Variants in APBA2 observed in about 807,000 individuals in gnomAD.
APBA2 encodes the protein amyloid beta precursor protein binding family A member 2.
A neutral mutation model predicts 75.0 loss-of-function variants in APBA2; 30 were observed. That is an observed-to-expected ratio of 0.40 (90% CI 0.30 to 0.54). The LOEUF (loss-of-function observed/expected upper bound fraction) is 0.54. Among genes scored for constraint, APBA2 ranks in the 20% least tolerant of loss-of-function variants. APBA2 has a pLI of 0.49. For missense variants in APBA2, 801 were observed against 1,016.1 expected (o/e 0.79, Z 2.88); for synonymous variants, 444 against 409.6 (o/e 1.08, Z -1.01).
intron 4 of APBA2, among the ~76,000 whole-genome samples, chr15:29,066,322 ACAAG>A (rs1184579956): frequency 2.6e-5 from 4 of 152,168 alleles, no homozygotes; most frequent in African/African-American, 9.7e-5. Context: ...CTTCTGAGCC[ACAAG>A]CATAGCGAGA....
intron 3 of APBA2, among the ~76,000 whole-genome samples, chr15:29,018,110 G>A (rs2039769515): frequency 6.6e-6 from 1 of 152,186 alleles, no homozygotes; most frequent in Non-Finnish European, 1.5e-5. Flanking sequence ...CCGGGGGACA[G>A]TCTCAGGGCC....
At chr15:28,905,771 T>C (rs1378024716) in intron 1 of APBA2, among the ~76,000 whole-genome samples, 2 of 152,154 alleles carry the variant, frequency 1.3e-5, no homozygotes. Flanking sequence ...TTTCTGGCAG[T>C]GGAATTTGGG....
chr15:29,045,765 A>G (rs930440427), intron 3 of APBA2, among the ~76,000 whole-genome samples: 1 of 152,218 alleles, frequency 6.6e-6, no homozygotes, highest in Admixed American at 6.5e-5. Flanking sequence ...GTGAGTGGGC[A>G]TCCATTCCTC....
chr15:28,942,273 C>T (rs778436582), intron 2 of APBA2, among the ~76,000 whole-genome samples: 2 of 152,186 alleles, frequency 1.3e-5, no homozygotes, highest in Non-Finnish European at 2.9e-5. Flanking sequence ...GCAGCACTCG[C>T]AGCTCACTGC....
chr15:29,082,011 A>C (rs114917571), intron 6 of APBA2, among the ~76,000 whole-genome samples: 1,718 of 152,330 alleles, frequency 0.011, 42 homozygotes, highest in African/African-American at 0.039. Context: ...AGAGTTGGTT[A>C]CGTATGAGGT....
intron 3 of APBA2, among the ~76,000 whole-genome samples, chr15:29,031,174 C>A (rs553199965): frequency 1.3e-5 from 2 of 152,208 alleles, no homozygotes; most frequent in South Asian, 2.1e-4. Context: ...AGAGACTAAG[C>A]AACTCATGGC....
intron 2 of APBA2, among the ~76,000 whole-genome samples, chr15:28,969,399 C>T (rs921315149): frequency 6.6e-6 from 1 of 151,900 alleles, no homozygotes; most frequent in Non-Finnish European, 1.5e-5. Flanking sequence ...AGGCTGGTCT[C>T]GAACTCCTGA....
At chr15:29,065,271 G>A (rs114546838) in intron 4 of APBA2, among the ~76,000 whole-genome samples, 2 of 152,254 alleles carry the variant, frequency 1.3e-5, no homozygotes, top group African/African-American at 4.8e-5. Context: ...ACATTCCCTA[G>A]GAAGTGCAGG....
intron 1 of APBA2, among the ~76,000 whole-genome samples, chr15:28,915,585 T>C (rs2033654499): frequency 7.1e-6 from 1 of 140,396 alleles, no homozygotes; most frequent in African/African-American, 2.7e-5. Context: ...ACAGCACCCA[T>C]ACCACACACC....
chr15:29,030,015 C>T (rs1427341378), intron 3 of APBA2, among the ~76,000 whole-genome samples: 4 of 152,150 alleles, frequency 2.6e-5, no homozygotes, highest in Admixed American at 2.0e-4. Flanking sequence ...GCTCTGGGTT[C>T]GAGGCCCAAC....
intron 1 of APBA2, among the ~76,000 whole-genome samples, chr15:28,887,114 G>A (rs550584558): frequency 3.3e-5 from 5 of 152,346 alleles, no homozygotes; most frequent in South Asian, 4.1e-4. Flanking sequence ...GTATTTACTG[G>A]CAGAAGGAAG....
At chr15:29,114,771 T>TGA (rs139572293) in intron 14 of APBA2, among the ~76,000 whole-genome samples, 123,831 of 147,186 alleles carry the variant, frequency 0.84, 52,146 homozygotes, top group Non-Finnish European at 0.89. Context: ...TGAATGTACC[T>TGA]GAGTGTGCGT....
At chr15:28,905,853 T>G (rs1216379876) in intron 1 of APBA2, among the ~76,000 whole-genome samples, 2 of 152,202 alleles carry the variant, frequency 1.3e-5, no homozygotes, top group Non-Finnish European at 2.9e-5. Flanking sequence ...CCTTTAAATA[T>G]TTTTTCTGAT....
chr15:29,031,969 T>G (rs1300153972), intron 3 of APBA2, among the ~76,000 whole-genome samples: 9 of 152,350 alleles, frequency 5.9e-5, no homozygotes, highest in Admixed American at 4.6e-4. Context: ...GAAGGTGGTG[T>G]TAACCACAGA....
At chr15:28,897,881 G>A (rs965251937) in intron 1 of APBA2, among the ~76,000 whole-genome samples, 2 of 152,128 alleles carry the variant, frequency 1.3e-5, no homozygotes, top group Non-Finnish European at 2.9e-5. Context: ...ACCTGTGAAT[G>A]TTACTTTATG....
intron 1 of APBA2, among the ~76,000 whole-genome samples, chr15:28,897,137 A>C (rs1317175617): frequency 6.6e-6 from 1 of 151,992 alleles, no homozygotes; most frequent in East Asian, 1.9e-4. Flanking sequence ...TATGTAATCA[A>C]CAAGAAAATG....
chr15:28,908,639 G>A (rs1206394583), intron 1 of APBA2, among the ~76,000 whole-genome samples: 1 of 152,136 alleles, frequency 6.6e-6, no homozygotes, highest in Non-Finnish European at 1.5e-5. Flanking sequence ...TTACACTGGG[G>A]CTTTTCTTTG....
chr15:28,924,828 C>T (rs189057504), intron 2 of APBA2, among the ~76,000 whole-genome samples: 1 of 152,148 alleles, frequency 6.6e-6, no homozygotes, highest in Non-Finnish European at 1.5e-5. Flanking sequence ...TTTCCAGGAA[C>T]TGCCAAACTG....
Position 29,117,057 on chromosome 15 carries a change from C to T in APBA2, c.2179-5C>T, listed in dbSNP as rs369581518. 2.0e-5 allele frequency: 32 copies of T among 1,612,930 alleles called. No homozygotes were observed. Among genetic ancestry groups the T allele is most frequent in the Non-Finnish European group, 2.5e-5 (30 of 1,179,848 alleles). The stretch of plus-strand genomic sequence containing the variant: ...AGCGGCTCAGCCTCCTGTTTCTGTC[C>T]GCAGATCCACATGAAGACCATGCCC... On this transcript the variant is annotated splice_polypyrimidine_tract_variant and splice_region_variant and intron_variant, in intron 14 of 14. Coordinates refer to ENST00000683413, the MANE Select transcript of APBA2 (RefSeq NM_001353788.2).
Sources: gnomAD v4.1 joint callset for allele counts (sites outside exome capture counted in the v4.1 genomes callset) on GRCh38, gnomAD v4.1.1 for gene constraint, MANE v1.5 for transcripts, NCBI Gene and HGNC (gene_info 2026-07-23, HGNC 2026-07-21) for gene names.